Variants in FYN observed in about 807,000 individuals in gnomAD.
The protein encoded by FYN is FYN proto-oncogene, Src family tyrosine kinase.
A neutral mutation model predicts 70.2 loss-of-function variants in FYN; 10 were observed. The observed-to-expected ratio is 0.14, with a 90% CI of 0.09 to 0.24. FYN has a LOEUF of 0.24. Ranked by LOEUF, FYN falls within the 10% of genes least tolerant of loss-of-function variation. FYN has a pLI of 1.00. For synonymous variants in FYN, 236 were observed against 248.6 expected, an observed-to-expected ratio of 0.95 and a Z score of 0.48; for missense variants, 319 against 673.1, an observed-to-expected ratio of 0.47 and a Z score of 5.82.
intron 9 of FYN, among the ~76,000 whole-genome samples, chr6:111,697,223 T>C (rs1333665792): frequency 6.6e-6 from 1 of 152,250 alleles, no homozygotes; most frequent in East Asian, 1.9e-4. Context: ...ATGATTGTCC[T>C]CAGTTACCTC....
At chr6:111,666,925 G>C (rs1178158400) in intron 13 of FYN, among the ~76,000 whole-genome samples, 1 of 152,142 alleles carries the variant, frequency 6.6e-6, no homozygotes, top group East Asian at 1.9e-4. Context: ...TTTCAAACAT[G>C]GTCCCCGACA....
chr6:111,733,473 C>T lies in FYN; in HGVS notation c.-11-13411G>A, dbSNP rs570554650. On this transcript the variant is annotated intron_variant, in intron 3 of 13. Coordinates refer to ENST00000354650, the MANE Select transcript of FYN (RefSeq NM_002037.5). Reference sequence around the variant, plus strand: ...AGCTTAGCATTTGTTCCCAAGTCTCCGGGACATCTTAGTCTGGAATTAAGT... The same window carrying T: ...AGCTTAGCATTTGTTCCCAAGTCTCTGGGACATCTTAGTCTGGAATTAAGT... Among the ~76,000 whole-genome samples the T allele has an allele frequency of 2.0e-4, 30 of 152,296 alleles. 1 individual carries two copies. Among genetic ancestry groups the T allele is most frequent in the South Asian group, 4.1e-4 (2 of 4,826 alleles).
At chr6:111,710,044 T>C (rs577344243) in intron 5 of FYN, among the ~76,000 whole-genome samples, 1 of 152,232 alleles carries the variant, frequency 6.6e-6, no homozygotes, top group Admixed American at 6.5e-5. Flanking sequence ...AGTGACAAGG[T>C]TTACTGCTCT....
At chr6:111,840,912 T>C (rs1773339020) in intron 2 of FYN, among the ~76,000 whole-genome samples, 1 of 152,188 alleles carries the variant, frequency 6.6e-6, no homozygotes, top group East Asian at 1.9e-4. Flanking sequence ...TGAAACAAAT[T>C]ATGCAGTATC....
At chr6:111,869,938 T>C (rs905770448) in intron 1 of FYN, among the ~76,000 whole-genome samples, 1 of 152,358 alleles carries the variant, frequency 6.6e-6, no homozygotes, top group East Asian at 1.9e-4. Flanking sequence ...GATCTAAACT[T>C]ATAAAATCAA....
chr6:111,827,735 G>A (rs1300207633), intron 2 of FYN, among the ~76,000 whole-genome samples: 2 of 152,130 alleles, frequency 1.3e-5, no homozygotes, highest in African/African-American at 4.8e-5. Flanking sequence ...TTATTCCTCA[G>A]CTATTTAAGA....
At chr6:111,732,644 G>A (rs1801518459) in intron 3 of FYN, among the ~76,000 whole-genome samples, 1 of 152,202 alleles carries the variant, frequency 6.6e-6, no homozygotes, top group Non-Finnish European at 1.5e-5. Context: ...TTGCAGCTAG[G>A]TGTGGCCAGA....
chr6:111,866,558 T>C (rs1283316450), intron 1 of FYN, among the ~76,000 whole-genome samples: 1 of 152,178 alleles, frequency 6.6e-6, no homozygotes, highest in Non-Finnish European at 1.5e-5. Flanking sequence ...GCCAGGCTGG[T>C]CTTGAACTCC....
rs1182697934 is a variant in FYN at position 111,703,982 on chromosome 6, T to G, written c.547+17A>C. On this transcript the variant is annotated intron_variant, in intron 7 of 13. Transcript: ENST00000354650. Reference sequence around the variant, plus strand: ...AGATTTGAATGACAAGCCAACTTCTTCAACTCGTTATCTTACCTTTGGTGG... The same window carrying G: ...AGATTTGAATGACAAGCCAACTTCTGCAACTCGTTATCTTACCTTTGGTGG... 6.3e-7 allele frequency: 1 copy of G among 1,596,476 alleles called. No individual in the cohort carries two copies. The highest frequency in any genetic ancestry group is 1.3e-5 in the African/African-American group (1 of 74,544).
chr6:111,813,876 G>A (rs1772403486), intron 2 of FYN: 1 of 152,188 alleles, frequency 6.6e-6, no homozygotes, highest in Non-Finnish European at 1.5e-5. Flanking sequence ...GAGGACGGGT[G>A]GGGAGCCCTT....
At chr6:111,752,329 T>A (rs189696761) in intron 3 of FYN, among the ~76,000 whole-genome samples, 58 of 152,322 alleles carry the variant, frequency 3.8e-4, no homozygotes, top group Non-Finnish European at 7.3e-4. Flanking sequence ...AAAAGATGAA[T>A]AAGCTATCAG....
intron 3 of FYN, among the ~76,000 whole-genome samples, chr6:111,745,799 C>G (rs1194979668): frequency 6.6e-6 from 1 of 152,242 alleles, no homozygotes; most frequent in Non-Finnish European, 1.5e-5. Context: ...GGCTTAAGAG[C>G]ATTCTCTTCC....
intron 3 of FYN, among the ~76,000 whole-genome samples, chr6:111,758,193 A>G (rs1802828933): frequency 6.6e-6 from 1 of 152,256 alleles, no homozygotes; most frequent in African/African-American, 2.4e-5. Flanking sequence ...AATAGTATAT[A>G]GCACTAAAAT....
intron 5 of FYN, chr6:111,708,925 G>C (rs907352772): frequency 6.6e-6 from 1 of 152,186 alleles, no homozygotes; most frequent in African/African-American, 2.4e-5. Flanking sequence ...AAATTCATCT[G>C]CTTAGATTCA....
At chr6:111,828,439 C>T (rs1036538597) in intron 2 of FYN, among the ~76,000 whole-genome samples, 3 of 152,014 alleles carry the variant, frequency 2.0e-5, no homozygotes, top group Admixed American at 6.6e-5. Context: ...ACGGGGTCTC[C>T]AAAAGATATT....
intron 1 of FYN, among the ~76,000 whole-genome samples, chr6:111,858,807 G>A (rs1313078073): frequency 1.3e-5 from 2 of 148,690 alleles, no homozygotes; most frequent in South Asian, 2.1e-4. Context: ...CATAATGCAA[G>A]GTCTCAGAGG....
At chr6:111,703,361 C>T (rs186299973) in intron 7 of FYN, among the ~76,000 whole-genome samples, 58 of 152,300 alleles carry the variant, frequency 3.8e-4, no homozygotes, top group Non-Finnish European at 6.2e-4. Flanking sequence ...AGAAGGACCA[C>T]GATGAATGGC....
At chr6:111,759,828 A>C (rs1390571392) in intron 3 of FYN, 1 of 152,228 alleles carries the variant, frequency 6.6e-6, no homozygotes, top group South Asian at 2.1e-4. Context: ...TGTGTTCAGA[A>C]AGTGAAAAAT....
intron 3 of FYN, among the ~76,000 whole-genome samples, chr6:111,770,287 A>G (rs1371029866): frequency 1.3e-5 from 2 of 152,212 alleles, no homozygotes; most frequent in Non-Finnish European, 1.5e-5. Flanking sequence ...TAAAATGTAA[A>G]GTTTAATTTT....
Sources: gnomAD v4.1 joint callset for allele counts (sites outside exome capture counted in the v4.1 genomes callset) on GRCh38, gnomAD v4.1.1 for gene constraint, MANE v1.5 for transcripts, NCBI Gene and HGNC (gene_info 2026-07-23, HGNC 2026-07-21) for gene names.